TTL: variants seen among roughly 807,000 people sequenced by gnomAD.
TTL encodes tubulin--tyrosine ligase.
TTL carries 10 observed loss-of-function variants against 41.1 expected under a neutral mutation model. That is an observed-to-expected ratio of 0.24 (90% CI 0.15 to 0.41). The LOEUF is 0.41. Ranked by LOEUF, TTL falls within the 10% of genes least tolerant of loss-of-function variation. The pLI, the probability that TTL is intolerant of heterozygous loss-of-function variation, is 1.00. For synonymous variants in TTL, 175 were observed against 175.5 expected (o/e 1.00, Z 0.02); for missense variants, 367 against 460.4 (o/e 0.80, Z 1.86).
intron 5 of TTL, among the ~76,000 whole-genome samples, chr2:112,510,574 C>A (rs372384766): frequency 1.3e-5 from 2 of 151,512 alleles, no homozygotes; most frequent in African/African-American, 2.4e-5. Flanking sequence ...TGGGTTCAAG[C>A]GATTCTCCTG....
At chr2:112,512,348 C>T (rs148432361) in intron 5 of TTL, among the ~76,000 whole-genome samples, 1,739 of 151,950 alleles carry the variant, frequency 0.011, 28 homozygotes, top group African/African-American at 0.033. Flanking sequence ...CTGCAAGCTC[C>T]GCCTTGCAGG....
intron 2 of TTL, among the ~76,000 whole-genome samples, chr2:112,486,609 T>C (rs754329320): frequency 1.1e-4 from 17 of 152,152 alleles, no homozygotes; most frequent in East Asian, 1.9e-4. Flanking sequence ...CTCTGAGCAG[T>C]TGGATTATGG....
chr2:112,494,695 A>G (rs1453937642), intron 3 of TTL, among the ~76,000 whole-genome samples: 1 of 152,162 alleles, frequency 6.6e-6, no homozygotes, highest in Non-Finnish European at 1.5e-5. Context: ...TCCACTTAGT[A>G]TATGATCCCA....
At chr2:112,520,490 G>T in intron 6 of TTL, 65 bp downstream of exon 6, 1 of 1,587,546 alleles carries the variant, frequency 6.3e-7, no homozygotes, top group South Asian at 1.1e-5. Flanking sequence ...GATAGTCTGT[G>T]GGTACAAGTG....
chr2:112,515,940 C>T (rs1682057052), intron 5 of TTL, among the ~76,000 whole-genome samples: 1 of 146,540 alleles, frequency 6.8e-6, no homozygotes, highest in South Asian at 2.2e-4. Context: ...CAGCGAGACT[C>T]CATCTCAGAA....
At position 112,532,383 on chromosome 2, in the gene TTL, T is replaced by A; in HGVS notation, c.*3588T>A. ...TGAATATTTAAAATGCCTGGAACAC[T>A]AAAGTAAAGTAATGATATTTCAAGT... On this transcript the variant is annotated 3_prime_UTR_variant, in exon 7 of 7. Coordinates refer to ENST00000233336, the MANE Select transcript of TTL (RefSeq NM_153712.5). 1 of 225,832 alleles carries A rather than the reference T, an allele frequency of 4.4e-6. No individual in the cohort carries two copies. Among genetic ancestry groups the A allele is most frequent in the Non-Finnish European group, 8.8e-6 (1 of 113,326 alleles). The allele number at this position is 225,832 out of a possible 1,614,324, so 14.0% of individuals were successfully genotyped here. A position where few individuals can be genotyped will look rare whatever the true frequency, so the allele number is the denominator to read the frequency against.
chr2:112,534,691 A>G lies in TTL; in HGVS notation c.*5896A>G, dbSNP rs1280550809. The G allele has an allele frequency of 1.3e-5, 2 of 152,264 alleles. No individual in the cohort carries two copies. Among genetic ancestry groups the G allele is most frequent in the East Asian group, 1.9e-4 (1 of 5,204 alleles). The allele number at this position is 152,264 out of a possible 1,614,324, so 9.4% of individuals were successfully genotyped here. A position where few individuals can be genotyped will look rare whatever the true frequency, so the allele number is the denominator to read the frequency against. ...AATTGTTGAACATCTCAGCTTCCTA[A>G]GGTGGCTGTAACAGTTGGAACAAAC... On this transcript the variant is annotated 3_prime_UTR_variant, in exon 7 of 7. Transcript: ENST00000233336.
chr2:112,520,574 G>A (rs1682197266), intron 6 of TTL, 149 bp downstream of exon 6: 1 of 1,096,204 alleles, frequency 9.1e-7, no homozygotes, highest in Admixed American at 2.5e-5. Flanking sequence ...TCTGGCAGGG[G>A]GCTTTGCTGA....
At chr2:112,526,959 A>G (rs776527545) in intron 6 of TTL, among the ~76,000 whole-genome samples, 3 of 152,186 alleles carry the variant, frequency 2.0e-5, no homozygotes, top group Non-Finnish European at 4.4e-5. Context: ...ACTGCTTTAA[A>G]TGTGTCCCAG....
chr2:112,494,726 G>A (rs1336510212), intron 3 of TTL, among the ~76,000 whole-genome samples: 1 of 152,124 alleles, frequency 6.6e-6, no homozygotes, highest in Non-Finnish European at 1.5e-5. Flanking sequence ...AGTCTCTGAA[G>A]CTTAAAACCT....
intron 6 of TTL, among the ~76,000 whole-genome samples, chr2:112,528,450 A>G (rs1459451102): frequency 6.6e-6 from 1 of 152,144 alleles, no homozygotes; most frequent in African/African-American, 2.4e-5. Context: ...AAATTTAAAA[A>G]TTAGCTGGGC....
intron 3 of TTL, among the ~76,000 whole-genome samples, chr2:112,496,707 G>GTGTGTGTT (rs1681539515): frequency 1.2e-5 from 1 of 82,708 alleles, no homozygotes; most frequent in African/African-American, 4.1e-5. Context: ...GTGTGTGTGT[G>GTGTGTGTT]TATTTTTTTT....
rs992497856 is a variant in TTL at position 112,485,927 on chromosome 2, C to T, written c.168C>T (p.Pro56=). ...RLPFGRLGHE[P]GLVQLVNYYR... is the part of the protein sequence containing the mutation. ...CTCTTTCCTTCCTAGGTCACGAGCCCGGGCTGGTACAGTTGGTGAATTACT... is the reference window on the plus strand; with the variant it reads ...CTCTTTCCTTCCTAGGTCACGAGCCTGGGCTGGTACAGTTGGTGAATTACT... The change falls in exon 2 of 7, where the codon CCC becomes CCT. Residue 56 remains proline (P), a synonymous_variant. Coordinates refer to ENST00000233336, the MANE Select transcript of TTL (RefSeq NM_153712.5). The T allele has an allele frequency of 5.6e-6, 9 of 1,613,898 alleles. No homozygotes were observed. The highest frequency in any genetic ancestry group is 1.6e-4 in the Middle Eastern group (1 of 6,062).
chr2:112,492,952 T>C (rs57492581), intron 2 of TTL, among the ~76,000 whole-genome samples: 10,162 of 152,134 alleles, frequency 0.067, 590 homozygotes, highest in East Asian at 0.28. Flanking sequence ...TGAGTCACAC[T>C]GACTACATTT....
chr2:112,484,226 TTGTA>T (rs1428140448), intron 1 of TTL, among the ~76,000 whole-genome samples: 1 of 150,918 alleles, frequency 6.6e-6, no homozygotes, highest in African/African-American at 2.4e-5. Context: ...AGCTTTTTGT[TTGTA>T]TGTGTTTTTT....
rs758604499 is a variant in TTL at position 112,528,674 on chromosome 2, A to G, written c.1020-7A>G. 1 of 1,608,290 alleles carries G rather than the reference A, an allele frequency of 6.2e-7. No homozygotes were observed. Among genetic ancestry groups the G allele is most frequent in the South Asian group, 1.1e-5 (1 of 90,480 alleles). Reference sequence around the variant, plus strand: ...TCCTCAATGATATTTTTAAAAACACATTTCAGGAAGCTCTATGCAGAACTG... The same window carrying G: ...TCCTCAATGATATTTTTAAAAACACGTTTCAGGAAGCTCTATGCAGAACTG... On this transcript the variant is annotated splice_region_variant and splice_polypyrimidine_tract_variant and intron_variant, in intron 6 of 6. Coordinates refer to ENST00000233336, the MANE Select transcript of TTL (RefSeq NM_153712.5).
intron 2 of TTL, among the ~76,000 whole-genome samples, chr2:112,491,028 G>A (rs935009159): frequency 5.9e-5 from 9 of 151,998 alleles, no homozygotes; most frequent in Non-Finnish European, 8.8e-5. Context: ...GTCTCACTCT[G>A]TCACCCAGGT....
intron 6 of TTL, 182 bp downstream of exon 6, chr2:112,520,607 C>A: frequency 1.5e-6 from 1 of 672,982 alleles, no homozygotes; most frequent in Non-Finnish European, 2.3e-6. Context: ...CCTATTTCCC[C>A]GTGTATAGGC....
chr2:112,539,679 A>G lies in TTL; in HGVS notation c.*10884A>G, dbSNP rs1682674140. 1 of 152,232 alleles carries G rather than the reference A, an allele frequency of 6.6e-6. No individual in the cohort carries two copies. Among genetic ancestry groups the G allele is most frequent in the South Asian group, 2.1e-4 (1 of 4,834 alleles). 9.4% of individuals were successfully genotyped at this position (152,232 alleles called of 1,614,324 possible). On this transcript the variant is annotated 3_prime_UTR_variant, in exon 7 of 7. Coordinates refer to ENST00000233336, the MANE Select transcript of TTL (RefSeq NM_153712.5). ...TGTATTAAATGTTCTAGACAGAGCA[A>G]TTCGACAAAAGGAAGGAAAGAAGAC...
Sources: allele counts gnomAD v4.1 joint callset (sites outside exome capture counted in the v4.1 genomes callset), GRCh38; gene constraint gnomAD v4.1.1; transcripts MANE v1.5; gene names NCBI Gene and HGNC (gene_info 2026-07-23, HGNC 2026-07-21).